The following NXPH1 variants were observed in gnomAD, a reference collection of about 807,000 sequenced individuals.
NXPH1 encodes the protein neurexophilin-1.
NXPH1 carries 5 observed loss-of-function variants against 23.7 expected under a neutral mutation model. The observed-to-expected ratio is 0.21, with a 90% CI of 0.11 to 0.44. NXPH1 has a LOEUF of 0.44. Ranked by LOEUF, NXPH1 falls within the 20% of genes least tolerant of loss-of-function variation. The pLI is 0.99. For synonymous variants in NXPH1, 144 were observed against 122.2 expected, an observed-to-expected ratio of 1.18 and a Z score of -1.18; for missense variants, 324 against 321.6, an observed-to-expected ratio of 1.01 and a Z score of -0.06.
intron 2 of NXPH1, among the ~76,000 whole-genome samples, chr7:8,543,908 G>A (rs1430773866): frequency 6.6e-6 from 1 of 151,480 alleles, no homozygotes; most frequent in Admixed American, 6.6e-5. Flanking sequence ...GAATTTTAGA[G>A]CTGGAAGGGA....
intron 2 of NXPH1, among the ~76,000 whole-genome samples, chr7:8,489,828 A>G (rs754555409): frequency 6.6e-6 from 1 of 152,054 alleles, no homozygotes; most frequent in African/African-American, 2.4e-5. Flanking sequence ...CAGTTAAGGG[A>G]CCAATTTAAT....
At chr7:8,529,459 A>G (rs1212336325) in intron 2 of NXPH1, among the ~76,000 whole-genome samples, 1 of 152,126 alleles carries the variant, frequency 6.6e-6, no homozygotes, top group East Asian at 1.9e-4. Context: ...AGAGATAAGG[A>G]GACTTGATGG....
intron 2 of NXPH1, among the ~76,000 whole-genome samples, chr7:8,458,348 A>G (rs1404403217): frequency 2.0e-5 from 3 of 152,224 alleles, no homozygotes; most frequent in Admixed American, 2.0e-4. Context: ...TGTGGTTGAT[A>G]TATACTGGAC....
At chr7:8,436,560 G>T (rs1479103809) in intron 2 of NXPH1, among the ~76,000 whole-genome samples, 1 of 152,130 alleles carries the variant, frequency 6.6e-6, no homozygotes, top group African/African-American at 2.4e-5. Context: ...TTGTTGTGGT[G>T]AATTGGTAGC....
chr7:8,525,113 A>C (rs1427897071), intron 2 of NXPH1, among the ~76,000 whole-genome samples: 1 of 152,196 alleles, frequency 6.6e-6, no homozygotes, highest in East Asian at 1.9e-4. Context: ...AAATTCTGAT[A>C]GCGATATGGA....
rs750783821 is a variant in NXPH1, at chr7:8,579,115, C to A, written c.54+143348C>A. ...GGGAGAAACGTGAAGTGCAAGGCTG[C>A]GTGTGGCTGATCTAGAACTTGAACT... On this transcript the variant is annotated intron_variant, in intron 2 of 2. Coordinates refer to ENST00000405863, the MANE Select transcript of NXPH1 (RefSeq NM_152745.3). Among the ~76,000 whole-genome samples the A allele has an allele frequency of 1.6e-4, 24 of 152,158 alleles. 1 individual carries two copies. The highest frequency in any genetic ancestry group is 2.5e-4 in the Non-Finnish European group (17 of 68,038).
At chr7:8,617,608 A>G (rs147547535) in intron 2 of NXPH1, among the ~76,000 whole-genome samples, 486 of 152,254 alleles carry the variant, frequency 3.2e-3, no homozygotes, top group African/African-American at 0.011. Context: ...AAAAATCAAA[A>G]CAATTGAACT....
chr7:8,745,623 G>A (rs1236981170), intron 2 of NXPH1, among the ~76,000 whole-genome samples: 1 of 152,030 alleles, frequency 6.6e-6, no homozygotes, highest in Non-Finnish European at 1.5e-5. Context: ...TGCAATCTTG[G>A]CTCACTGCAA....
chr7:8,451,421 TTC>T (rs1816505308), intron 2 of NXPH1, among the ~76,000 whole-genome samples: 1 of 152,212 alleles, frequency 6.6e-6, no homozygotes, highest in African/African-American at 2.4e-5. Flanking sequence ...CAGTAGGAGT[TTC>T]TTTTTCTTAC....
chr7:8,445,225 A>G (rs980422416), intron 2 of NXPH1, among the ~76,000 whole-genome samples: 4 of 152,254 alleles, frequency 2.6e-5, no homozygotes, highest in African/African-American at 9.6e-5. Flanking sequence ...TCTCAAGTCT[A>G]AAGGACTATC....
chr7:8,629,316 A>G (rs1473149596), intron 2 of NXPH1, among the ~76,000 whole-genome samples: 1 of 152,168 alleles, frequency 6.6e-6, no homozygotes, highest in African/African-American at 2.4e-5. Context: ...GTGGATGGAC[A>G]TTGAAAATGG....
chr7:8,481,909 C>A (rs1414615385), intron 2 of NXPH1, among the ~76,000 whole-genome samples: 1 of 152,164 alleles, frequency 6.6e-6, no homozygotes, highest in Non-Finnish European at 1.5e-5. Context: ...GCATAGATCA[C>A]ACTCAGTGCT....
At position 8,747,260 on chromosome 7, in the gene NXPH1, A is replaced by G. The variant is rs186845243; in HGVS notation, c.55-3748A>G. ...GACTCCAGAGTGCACTCCCATAATT[A>G]CTACAGCTGTGGATAACATAATTTA... is the stretch of plus-strand genomic sequence containing the variant. On this transcript the variant is annotated intron_variant, in intron 2 of 2. Transcript: ENST00000405863. Among the ~76,000 whole-genome samples the G allele has an allele frequency of 2.4e-4, 37 of 152,360 alleles. No individual in the cohort carries two copies. The East Asian group carries it at 6.7e-3, about 28-fold the overall frequency.
rs749254159 is a variant in NXPH1 at position 8,674,203 on chromosome 7, A to ACACACACACACC, written c.55-76804_55-76803insACACACACACCC. Among the ~76,000 whole-genome samples the ACACACACACACC allele has an allele frequency of 2.9e-4, 34 of 115,366 alleles. 1 individual carries two copies. Among genetic ancestry groups the ACACACACACACC allele is most frequent in the Non-Finnish European group, 5.1e-4 (25 of 49,392 alleles). 75.7% of individuals were successfully genotyped at this position (115,366 alleles called of 152,430 possible). A position where few individuals can be genotyped will look rare whatever the true frequency, so the allele number is the denominator to read the frequency against. On this transcript the variant is annotated intron_variant, in intron 2 of 2. Transcript: ENST00000405863. Reference sequence around the variant, plus strand: ...CACACACACACACACACACACACACACCTATGCAATTCAATCCTTGCTGCA... The same window carrying ACACACACACACC: ...CACACACACACACACACACACACACACACACACACACCCCTATGCAATTCAATCCTTGCTGCA...
chr7:8,717,555 C>G (rs1037781414), intron 2 of NXPH1, among the ~76,000 whole-genome samples: 1 of 152,148 alleles, frequency 6.6e-6, no homozygotes, highest in African/African-American at 2.4e-5. Context: ...AAAGACTACC[C>G]TCTAAGTCCC....
chr7:8,662,025 CAAGT>C (rs1215970974), intron 2 of NXPH1, among the ~76,000 whole-genome samples: 2 of 151,826 alleles, frequency 1.3e-5, no homozygotes, highest in Non-Finnish European at 2.9e-5. Flanking sequence ...CAAAATATAT[CAAGT>C]AAGTTAAAAT....
chr7:8,544,513 A>G (rs188422459), intron 2 of NXPH1, among the ~76,000 whole-genome samples: 2 of 151,792 alleles, frequency 1.3e-5, no homozygotes, highest in East Asian at 3.9e-4. Context: ...GGCATTTGAA[A>G]TGATCCCTAC....
At chr7:8,687,686 A>G (rs765859398) in intron 2 of NXPH1, among the ~76,000 whole-genome samples, 4 of 152,128 alleles carry the variant, frequency 2.6e-5, no homozygotes, top group Non-Finnish European at 2.9e-5. Context: ...AAATAGAGAT[A>G]ATAACCTTGA....
At chr7:8,689,910 T>C (rs1821200080) in intron 2 of NXPH1, among the ~76,000 whole-genome samples, 1 of 152,152 alleles carries the variant, frequency 6.6e-6, no homozygotes, top group Non-Finnish European at 1.5e-5. Flanking sequence ...CCACTATTAA[T>C]AACTGCACTA....
Sources: allele counts gnomAD v4.1 joint callset (sites outside exome capture counted in the v4.1 genomes callset), GRCh38; gene constraint gnomAD v4.1.1; transcripts MANE v1.5; gene names NCBI Gene and HGNC (gene_info 2026-07-23, HGNC 2026-07-21).